NOTCH3: variants seen among roughly 807,000 people sequenced by gnomAD.
NOTCH3 encodes the protein neurogenic locus notch homolog protein 3.
A neutral mutation model predicts 213.3 loss-of-function variants in NOTCH3; 86 were observed. The observed-to-expected ratio is 0.40, with a 90% confidence interval of 0.34 to 0.48. The LOEUF (loss-of-function observed/expected upper bound fraction) is 0.48. Among genes scored for constraint, NOTCH3 ranks in the 20% least tolerant of loss-of-function variants. NOTCH3 has a pLI of 0.57. For synonymous variants in NOTCH3, 1,354 were observed against 1,355.9 expected (o/e 1.00, Z 0.03); for missense variants, 2,783 against 3,272.6 (o/e 0.85, Z 3.65).
At chr19:15,169,206 C>G (rs934613932) in intron 28 of NOTCH3, among the ~76,000 whole-genome samples, 1 of 10,606 alleles carries the variant, frequency 9.4e-5, no homozygotes, top group Non-Finnish European at 1.0e-3. Flanking sequence ...CTCTCTCTCT[C>G]TCTCTCTCTC....
In NOTCH3 at chr19:15,189,345, G is replaced by C; in HGVS notation, c.1120C>G (p.Arg374Gly). ...CCGGGAGGACAGGTGCAAATGGCCC[G>C]GCCGTTCACCGGATTTGTGTCACAG... ...AICDTNPVNG[R>G]AICTCPPGFT... The change falls in exon 7 of 33, where the codon CGG becomes GGG. Residue 374 changes from arginine to glycine, a missense_variant. Transcript: ENST00000263388. 6.2e-7 allele frequency: 1 copy of C among 1,613,994 alleles called. No homozygotes were observed. The highest frequency in any genetic ancestry group is 1.3e-5 in the African/African-American group (1 of 75,052).
intron 8 of NOTCH3, among the ~76,000 whole-genome samples, chr19:15,188,588 T>C (rs957796527): frequency 1.3e-5 from 2 of 151,658 alleles, no homozygotes; most frequent in African/African-American, 4.9e-5. Flanking sequence ...CCCCTCCTCC[T>C]CTCCCCAGTC....
rs1467165149 is a variant in NOTCH3 at position 15,178,031 on chromosome 19, C to T, written c.3897G>A (p.Pro1299=). 2.0e-6 allele frequency: 3 copies of T among 1,507,688 alleles called. No individual in the cohort carries two copies. The highest frequency in any genetic ancestry group is 2.8e-5 in the African/African-American group (2 of 70,230). The allele number at this position is 1,507,688 out of a possible 1,614,324, so 93.4% of individuals were successfully genotyped here. ...VARSCRELQC[P]VGVPCQQTPR... is the part of the protein sequence containing the mutation. ...GCGTCTGCTGGCATGGGACGCCCACCGGGCACTGCAGCTCCCGGCAGGAGC... is the reference window on the plus strand; with the variant it reads ...GCGTCTGCTGGCATGGGACGCCCACTGGGCACTGCAGCTCCCGGCAGGAGC... The change falls in exon 24 of 33, where the codon CCG becomes CCA. Residue 1299 remains proline (P), a synonymous_variant. Transcript: ENST00000263388.
At chr19:15,194,258 G>C (rs925723633) in intron 2 of NOTCH3, among the ~76,000 whole-genome samples, 8 of 152,076 alleles carry the variant, frequency 5.3e-5, no homozygotes, top group Admixed American at 3.3e-4. Context: ...CAAAAAAAGA[G>C]AGAGGCAGCC....
chr19:15,177,071 TAAAAAAAA>T (rs776950725), intron 24 of NOTCH3, among the ~76,000 whole-genome samples: 11 of 79,142 alleles, frequency 1.4e-4, no homozygotes, highest in Non-Finnish European at 1.9e-4. Flanking sequence ...GACTCCGTCT[TAAAAAAAA>T]AAAAAAAAAA....
At position 15,166,015 on chromosome 19, in the gene NOTCH3, T is replaced by C; in HGVS notation, c.5439A>G (p.Ala1813=). 1 of 1,614,196 alleles carries C rather than the reference T, an allele frequency of 6.2e-7. No homozygotes were observed. The highest frequency in any genetic ancestry group is 8.5e-7 in the Non-Finnish European group (1 of 1,180,022). Residue 1813 remains alanine, a synonymous_variant, in exon 30 of 33, where the codon GCA becomes GCG. Transcript: ENST00000263388. ...AGATGATGCTAGCTGATGTGTCATC[T>C]GCCTCATCCTCTTCAGTTGGCATTG... is the stretch of plus-strand genomic sequence containing the variant. ...LEPMPTEEDE[A]DDTSASIISD...
Position 15,174,334 on chromosome 19 carries a change from C to T in NOTCH3, c.4470G>A (p.Thr1490=), listed in dbSNP as rs756066740. Residue 1490 remains threonine, a synonymous_variant, in exon 25 of 33, where the codon ACG becomes ACA. Transcript: ENST00000263388. The part of the protein sequence containing the change: ...ADGRCDQGCN[T]EECGWDGLDC... ...CCAGCCCATCCCAGCCGCACTCCTC[C>T]GTGTTGCAGCCCTGGTCGCAGCGGC... 1.9e-6 allele frequency: 3 copies of T among 1,552,350 alleles called. No homozygotes were observed. The highest frequency in any genetic ancestry group is 1.4e-5 in the African/African-American group (1 of 73,104).
chr19:15,191,645 G>A lies in NOTCH3; in HGVS notation c.815C>T (p.Thr272Met), dbSNP rs749561286. The A allele has an allele frequency of 5.6e-5, 90 of 1,613,410 alleles. 1 individual carries two copies. The Admixed American group carries it at 7.0e-4, about 13-fold the overall frequency. ...CPPEWTGQFC[T>M]EDVDECQLQP... ...CAGCTGACACTCATCCACGTCCTCCGTGCAGAACTGGCCTGTGGCACACAG... is the reference window on the plus strand; with the variant it reads ...CAGCTGACACTCATCCACGTCCTCCATGCAGAACTGGCCTGTGGCACACAG... Residue 272 changes from threonine (T) to methionine (M), a missense_variant, in exon 6 of 33, where the codon ACG (threonine) becomes ATG (methionine). By Grantham distance (81) the Thr-to-Met change is moderately conservative. Around this residue, in one of 6 missense-constraint regions of NOTCH3, gnomAD observed 708 missense variants for 906.6 expected, o/e 0.78. Transcript: ENST00000263388.
In NOTCH3 at chr19:15,187,943, G is replaced by A. The variant is rs1390903111; in HGVS notation, c.1544C>T (p.Pro515Leu). 6.5e-7 allele frequency: 1 copy of A among 1,550,372 alleles called. No individual in the cohort carries two copies. The highest frequency in any genetic ancestry group is 1.4e-5 in the African/African-American group (1 of 73,026). The change falls in exon 10 of 33, where the codon CCC (proline) becomes CTC (leucine). Residue 515 changes from proline to leucine, a missense_variant. Pro to Leu is a moderately conservative substitution (Grantham distance 98, BLOSUM62 -3). This residue lies in a region of NOTCH3 where 708 missense variants were observed against 906.6 expected (regional missense o/e 0.78). Transcript: ENST00000263388. ...CACGCATTTGGCGCCATTCCTGCAGGGCGTGCTGGCGCATTCGTCCACGTC... is the reference window on the plus strand; with the variant it reads ...CACGCATTTGGCGCCATTCCTGCAGAGCGTGCTGGCGCATTCGTCCACGTC... ...QLDVDECAST[P>L]CRNGAKCVDQ...
chr19:15,187,035 T>G, intron 11 of NOTCH3, 47 bp from the exon 12 acceptor site: 1 of 1,607,018 alleles, frequency 6.2e-7, no homozygotes, highest in Non-Finnish European at 8.5e-7. Context: ...TGTGCCCCAC[T>G]AGATGCACCA....
intron 24 of NOTCH3, among the ~76,000 whole-genome samples, chr19:15,175,553 ATACAT>A (rs1210148521): frequency 1.4e-4 from 5 of 34,918 alleles, no homozygotes; most frequent in Admixed American, 3.1e-4. Context: ...AAAAAAAAAA[ATACAT>A]ATATATATAT....
In NOTCH3 at chr19:15,180,117, C is replaced by T. The variant is rs1401951267; in HGVS notation, c.3282G>A (p.Gln1094=). The T allele has an allele frequency of 1.9e-6, 3 of 1,612,900 alleles. No individual in the cohort carries two copies. The highest frequency in any genetic ancestry group is 8.5e-7 in the Non-Finnish European group (1 of 1,179,834). ...EVDPCLAQPC[Q]HGGTCRGYMG... is the part of the protein sequence containing the mutation. Reference sequence around the variant, plus strand: ...TATAGCCACGGCAGGTCCCCCCATGCTGGCAGGGCTGGGCCAAGCAGGGGT... The same window carrying T: ...TATAGCCACGGCAGGTCCCCCCATGTTGGCAGGGCTGGGCCAAGCAGGGGT... The change falls in exon 20 of 33, where the codon CAG becomes CAA. Residue 1094 remains glutamine, a synonymous_variant. Transcript: ENST00000263388.
chr19:15,200,747 T>C (rs1285611196), intron 1 of NOTCH3, 41 bp downstream of exon 1: 1 of 1,237,606 alleles, frequency 8.1e-7, no homozygotes, highest in Non-Finnish European at 1.0e-6. Flanking sequence ...GCACTCCCCC[T>C]CTGCCGCCCT....
intron 25 of NOTCH3, among the ~76,000 whole-genome samples, chr19:15,173,153 G>T: frequency 7.7e-6 from 1 of 130,646 alleles, no homozygotes; most frequent in African/African-American, 2.8e-5. Flanking sequence ...CGGGCATGGT[G>T]GCTCACGCCT....
Position 15,161,703 on chromosome 19 carries a change from G to A in NOTCH3, c.5925C>T (p.Pro1975=). The change falls in exon 33 of 33, where the codon CCC becomes CCT. Residue 1975 remains proline (P), a synonymous_variant. Transcript: ENST00000263388. Reference sequence around the variant, plus strand: ...TGCCCTCGCGGGCGGCCAGGAATAGGGGGGTCTCCTCCTGGGGGGCCAGAA... The same window carrying A: ...TGCCCTCGCGGGCGGCCAGGAATAGAGGGGTCTCCTCCTGGGGGGCCAGAA... ...KDMQDSKEET[P]LFLAAREGSY... The A allele has an allele frequency of 6.2e-7, 1 of 1,613,674 alleles. No homozygotes were observed. Among genetic ancestry groups the A allele is most frequent in the Non-Finnish European group, 8.5e-7 (1 of 1,179,842 alleles).
chr19:15,182,428 G>C (rs1402880042), intron 16 of NOTCH3, among the ~76,000 whole-genome samples: 1 of 151,642 alleles, frequency 6.6e-6, no homozygotes, highest in Non-Finnish European at 1.5e-5. Flanking sequence ...GATCACTTGA[G>C]CCTGGGAGGT....
At position 15,161,009 on chromosome 19, in the gene NOTCH3, G is replaced by A. The variant is rs753170185; in HGVS notation, c.6619C>T (p.Arg2207Trp). The A allele has an allele frequency of 4.7e-5, 72 of 1,540,770 alleles. No homozygotes were observed. Among genetic ancestry groups the A allele is most frequent in the Middle Eastern group, 3.5e-4 (2 of 5,790 alleles). ...NPGTPVSPQERPPPYLAVPGH... is the reference protein window; with the variant it reads ...NPGTPVSPQEWPPPYLAVPGH... ...GGGACTGCCAGGTAAGGCGGGGGCC[G>A]CTCCTGCGGGGAGACGGGGGTCCCT... Residue 2207 changes from arginine (R) to tryptophan (W), a missense_variant, in exon 33 of 33, where the codon CGG (arginine) becomes TGG (tryptophan). Physicochemically the swap from Arg to Trp is moderately radical, Grantham distance 101 (BLOSUM62 -3). Around this residue, in one of 6 missense-constraint regions of NOTCH3, gnomAD observed 441 missense variants for 432.1 expected, o/e 1.02. Transcript: ENST00000263388.
In NOTCH3 at chr19:15,195,938, G is replaced by T. The variant is rs964045700; in HGVS notation, c.197+1562C>A. Among the ~76,000 whole-genome samples the T allele has an allele frequency of 1.7e-4, 25 of 151,394 alleles. No individual in the cohort carries two copies. The South Asian group carries it at 1.7e-3, about 10-fold the overall frequency. On this transcript the variant is annotated intron_variant, in intron 2 of 32. Transcript: ENST00000263388. ...GAGGGGGGAGCGCAGACCTAGTTAG[G>T]GGGGGCACGGCGGGTGAGGCGAGGA...
At chr19:15,171,391 C>T (rs1193723481) in intron 25 of NOTCH3, among the ~76,000 whole-genome samples, 1 of 152,126 alleles carries the variant, frequency 6.6e-6, no homozygotes, top group Admixed American at 6.6e-5. Flanking sequence ...ACTCTGTCGC[C>T]CAGGCTAGAG....
Sources: allele counts gnomAD v4.1 joint callset (sites outside exome capture counted in the v4.1 genomes callset), GRCh38; gene constraint gnomAD v4.1.1; regional missense constraint gnomAD v4.1.1; transcripts MANE v1.5; gene names NCBI Gene and HGNC (gene_info 2026-07-23, HGNC 2026-07-21).